ZCCHC17: variants seen among roughly 807,000 people sequenced by gnomAD.
ZCCHC17 encodes the protein zinc finger CCHC-type containing 17.
ZCCHC17 carries 18 observed loss-of-function variants against 30.6 expected under a neutral mutation model. The ratio of observed to expected loss-of-function variants is 0.59; its 90% CI spans 0.41 to 0.87. ZCCHC17 has a LOEUF of 0.87. ZCCHC17 is among the 40% of genes least tolerant of loss of function. The probability of loss-of-function intolerance (pLI) is 0.00; values close to 1 mark genes in which losing one functional copy is unlikely to be tolerated. For missense variants in ZCCHC17, 263 were observed against 284.2 expected (o/e 0.93, Z 0.54); for synonymous variants, 88 against 92.4 (o/e 0.95, Z 0.27).
intron 2 of ZCCHC17, 124 bp from the exon 3 acceptor site, chr1:31,318,985 T>A (rs764275089): frequency 2.0e-5 from 22 of 1,105,236 alleles, no homozygotes; most frequent in Non-Finnish European, 2.7e-5. Flanking sequence ...GCATCATTTT[T>A]AGGCAGTTTT....
chr1:31,311,719 A>G (rs1646607013), intron 2 of ZCCHC17, among the ~76,000 whole-genome samples: 1 of 152,232 alleles, frequency 6.6e-6, no homozygotes, highest in African/African-American at 2.4e-5. Flanking sequence ...TCATCCATTC[A>G]TGAGGGGCCT....
At chr1:31,321,287 G>T (rs1386182668) in intron 3 of ZCCHC17, among the ~76,000 whole-genome samples, 1 of 151,888 alleles carries the variant, frequency 6.6e-6, no homozygotes, top group Non-Finnish European at 1.5e-5. Context: ...ACCATCATTC[G>T]CTGGGCACTT....
chr1:31,312,514 T>G (rs1646630240), intron 2 of ZCCHC17, among the ~76,000 whole-genome samples: 1 of 152,056 alleles, frequency 6.6e-6, no homozygotes, highest in South Asian at 2.1e-4. Flanking sequence ...TCTTTTTGCT[T>G]GCTATGTGAG....
chr1:31,351,196 A>G (rs551864936), intron 7 of ZCCHC17, among the ~76,000 whole-genome samples: 6 of 152,266 alleles, frequency 3.9e-5, no homozygotes, highest in Admixed American at 1.3e-4. Context: ...AAAGAAACCA[A>G]TGTCATTTAT....
rs555130090 is a variant in ZCCHC17, at chr1:31,300,289, G to A, written c.-56+3214G>A. ...TGTCCAGGCTGGTCTCAAACTCCTG[G>A]CCTCAAGTGATCTTGCTGCCTTGGT... On this transcript the variant is annotated intron_variant, in intron 1 of 7. Transcript: ENST00000344147. Among the ~76,000 whole-genome samples the A allele has an allele frequency of 2.0e-5, 3 of 152,218 alleles. No homozygotes were observed. In the East Asian group the frequency reaches 5.8e-4, roughly 29 times the overall value.
chr1:31,323,187 G>T (rs1005560945), intron 3 of ZCCHC17, among the ~76,000 whole-genome samples: 1 of 152,192 alleles, frequency 6.6e-6, no homozygotes, highest in Non-Finnish European at 1.5e-5. Flanking sequence ...AGGAACTAGG[G>T]ACAAAGATCG....
At chr1:31,351,380 T>TA (rs1286448580) in intron 7 of ZCCHC17, among the ~76,000 whole-genome samples, 1 of 152,190 alleles carries the variant, frequency 6.6e-6, no homozygotes, top group African/African-American at 2.4e-5. Context: ...TAGGGAGTTT[T>TA]AAAAAATACA....
intron 3 of ZCCHC17, among the ~76,000 whole-genome samples, chr1:31,331,110 G>T (rs1455461952): frequency 1.3e-5 from 2 of 152,062 alleles, no homozygotes; most frequent in African/African-American, 2.4e-5. Flanking sequence ...TAATTTAGGA[G>T]ACTGAAATCT....
chr1:31,297,928 G>A (rs1646207000), intron 1 of ZCCHC17, among the ~76,000 whole-genome samples: 2 of 152,238 alleles, frequency 1.3e-5, no homozygotes, highest in Admixed American at 1.3e-4. Flanking sequence ...GGTACAAGAT[G>A]AAGCTGTACG....
At chr1:31,359,581 T>C (rs1327842468) in intron 7 of ZCCHC17, among the ~76,000 whole-genome samples, 3 of 152,166 alleles carry the variant, frequency 2.0e-5, no homozygotes, top group East Asian at 3.8e-4. Context: ...TGTTCACTGC[T>C]ATATTCTCTT....
chr1:31,328,591 G>A (rs553398506), intron 3 of ZCCHC17, among the ~76,000 whole-genome samples: 1 of 152,134 alleles, frequency 6.6e-6, no homozygotes, highest in South Asian at 2.1e-4. Context: ...ATAGGATTCA[G>A]TACTATTCTT....
chr1:31,344,285 T>G (rs1340911270), intron 5 of ZCCHC17, among the ~76,000 whole-genome samples: 3 of 152,202 alleles, frequency 2.0e-5, no homozygotes, highest in Non-Finnish European at 4.4e-5. Context: ...GAGCCACAAC[T>G]GCTGGTCCAT....
chr1:31,305,771 G>C (rs1486135909), intron 1 of ZCCHC17, among the ~76,000 whole-genome samples: 2 of 152,032 alleles, frequency 1.3e-5, no homozygotes, highest in Non-Finnish European at 2.9e-5. Context: ...AATAAATTTG[G>C]ATTAACTAAG....
At chr1:31,355,116 A>T (rs568159698) in intron 7 of ZCCHC17, among the ~76,000 whole-genome samples, 1 of 151,478 alleles carries the variant, frequency 6.6e-6, no homozygotes, top group South Asian at 2.1e-4. Context: ...CGGAGGGTGC[A>T]GTGAGCCGAG....
chr1:31,298,490 A>G (rs1012071290), intron 1 of ZCCHC17, among the ~76,000 whole-genome samples: 2 of 151,930 alleles, frequency 1.3e-5, no homozygotes, highest in South Asian at 2.1e-4. Flanking sequence ...GGTTCAAGCA[A>G]TTCTCCTGCC....
intron 1 of ZCCHC17, among the ~76,000 whole-genome samples, chr1:31,308,772 T>G (rs1236320943): frequency 6.6e-6 from 1 of 152,206 alleles, no homozygotes; most frequent in Non-Finnish European, 1.5e-5. Flanking sequence ...TGTCACCTAG[T>G]AGCTGGTTGA....
Position 31,319,105 on chromosome 1 carries a change from A to G in ZCCHC17, c.67-4A>G. 2 of 1,606,930 alleles carry G rather than the reference A, an allele frequency of 1.2e-6. No individual in the cohort carries two copies. The highest frequency in any genetic ancestry group is 1.7e-6 in the Non-Finnish European group (2 of 1,174,830). On this transcript the variant is annotated splice_polypyrimidine_tract_variant and splice_region_variant and intron_variant, in intron 2 of 7. Transcript: ENST00000344147. The stretch of plus-strand genomic sequence containing the variant: ...ACATTGATTTTTTTCCCCCATCTTT[A>G]TAGGTTGCTATGGTGACAGACTATG...
In ZCCHC17 at chr1:31,310,107, A is replaced by G. The variant is rs1341442827; in HGVS notation, c.9A>G (p.Ser3=). The G allele has an allele frequency of 6.2e-7, 1 of 1,613,974 alleles. No individual in the cohort carries two copies. Among genetic ancestry groups the G allele is most frequent in the Non-Finnish European group, 8.5e-7 (1 of 1,179,972 alleles). Residue 3 remains serine, a synonymous_variant, in exon 2 of 8, where the codon TCA becomes TCG. Coordinates refer to ENST00000344147, the MANE Select transcript of ZCCHC17 (RefSeq NM_016505.4). MN[S]GRPETMENLP... ...GCCATAGAATATTAAGGATGAATTC[A>G]GGAAGGCCTGAGACCATGGAAAACT...
chr1:31,352,067 C>T (rs1169875907), intron 7 of ZCCHC17, among the ~76,000 whole-genome samples: 1 of 152,212 alleles, frequency 6.6e-6, no homozygotes, highest in East Asian at 1.9e-4. Context: ...CTAGCCAAAG[C>T]TGTTCTTTCC....
Sources: gnomAD v4.1 joint callset for allele counts (sites outside exome capture counted in the v4.1 genomes callset) on GRCh38, gnomAD v4.1.1 for gene constraint, MANE v1.5 for transcripts, NCBI Gene and HGNC (gene_info 2026-07-23, HGNC 2026-07-21) for gene names.